PGCKA1: variants seen among roughly 807,000 people sequenced by gnomAD.
The protein encoded by PGCKA1 is PDCD10 and GCKIII kinases associated 1.
chr4:37,469,323 C>T, the PGCKA1 span, among the ~76,000 whole-genome samples: 1 of 152,344 alleles, frequency 6.6e-6, no homozygotes, highest in African/African-American at 2.4e-5. Flanking sequence ...TCTCCTCAGT[C>T]AGCTGTAAGT....
chr4:37,486,313 C>A, the PGCKA1 span, among the ~76,000 whole-genome samples: 6 of 152,258 alleles, frequency 3.9e-5, no homozygotes, highest in South Asian at 1.2e-3. Context: ...ACTAGGCAGC[C>A]TGGTAATTAC....
At chr4:37,586,839 G>A in the PGCKA1 span, among the ~76,000 whole-genome samples, 235 of 152,326 alleles carry the variant, frequency 1.5e-3, 1 homozygote, top group African/African-American at 5.5e-3. Context: ...GAACCAGGGA[G>A]GCAGAGGTTG....
the PGCKA1 span, among the ~76,000 whole-genome samples, chr4:37,468,448 C>T: frequency 4.6e-5 from 7 of 152,182 alleles, no homozygotes; most frequent in African/African-American, 1.7e-4. Context: ...GGAGTTGCCC[C>T]AGCCTGCAAA....
chr4:37,495,650 G>T, the PGCKA1 span, among the ~76,000 whole-genome samples: 1 of 152,168 alleles, frequency 6.6e-6, no homozygotes, highest in Admixed American at 6.5e-5. Flanking sequence ...ATAAGTGGGA[G>T]TTCAACAGTT....
At chr4:37,470,956 T>A in the PGCKA1 span, among the ~76,000 whole-genome samples, 63,663 of 152,108 alleles carry the variant, frequency 0.42, 14,166 homozygotes, top group Non-Finnish European at 0.5. Flanking sequence ...ACATCTCCCA[T>A]ATACTAGGAA....
At chr4:37,457,487 T>C in the PGCKA1 span, among the ~76,000 whole-genome samples, 2 of 152,250 alleles carry the variant, frequency 1.3e-5, no homozygotes, top group Non-Finnish European at 2.9e-5. Context: ...AATGTGTATT[T>C]GGATGTATTT....
chr4:37,530,032 G>C, the PGCKA1 span, among the ~76,000 whole-genome samples: 1 of 152,064 alleles, frequency 6.6e-6, no homozygotes, highest in African/African-American at 2.4e-5. Flanking sequence ...ATCAAAAAAG[G>C]CCTGGAATCC....
chr4:37,552,605 C>G, the PGCKA1 span, among the ~76,000 whole-genome samples: 1 of 152,182 alleles, frequency 6.6e-6, no homozygotes. Flanking sequence ...CTCAAAAATC[C>G]AAGAAGTCTT....
chr4:37,585,822 A>G, the PGCKA1 span, among the ~76,000 whole-genome samples: 1 of 152,082 alleles, frequency 6.6e-6, no homozygotes, highest in Non-Finnish European at 1.5e-5. Context: ...ATGTGTACAC[A>G]GTTCCATAGC....
the PGCKA1 span, among the ~76,000 whole-genome samples, chr4:37,552,723 G>C: frequency 6.6e-6 from 1 of 152,098 alleles, no homozygotes; most frequent in African/African-American, 2.4e-5. Context: ...TAAACTCTTA[G>C]CAAGTCTTTC....
At chr4:37,560,541 G>T in the PGCKA1 span, among the ~76,000 whole-genome samples, 1 of 152,126 alleles carries the variant, frequency 6.6e-6, no homozygotes, top group Non-Finnish European at 1.5e-5. Context: ...CCTCAGCACT[G>T]CTCAGCTGCC....
the PGCKA1 span, among the ~76,000 whole-genome samples, chr4:37,506,123 G>A: frequency 6.6e-6 from 1 of 152,190 alleles, no homozygotes; most frequent in African/African-American, 2.4e-5. Context: ...TGCAGTAACA[G>A]TTGTAATGTC....
At chr4:37,518,210 T>C in the PGCKA1 span, among the ~76,000 whole-genome samples, 1 of 152,238 alleles carries the variant, frequency 6.6e-6, no homozygotes, top group African/African-American at 2.4e-5. Context: ...ATATTAGTTA[T>C]TGTAAACAGT....
At chr4:37,553,354 G>A in the PGCKA1 span, among the ~76,000 whole-genome samples, 1 of 137,460 alleles carries the variant, frequency 7.3e-6, no homozygotes, top group Non-Finnish European at 1.6e-5. Flanking sequence ...GATCTTTATA[G>A]TTCTTGGAGC....
chr4:37,536,401 G>T, the PGCKA1 span, among the ~76,000 whole-genome samples: 6 of 152,040 alleles, frequency 3.9e-5, no homozygotes, highest in Admixed American at 6.6e-5. Context: ...GACAGTTTCT[G>T]TAGGCCAGGA....
chr4:37,497,746 G>C, the PGCKA1 span, among the ~76,000 whole-genome samples: 10 of 151,966 alleles, frequency 6.6e-5, no homozygotes, highest in East Asian at 1.7e-3. Context: ...TTTTCTTACT[G>C]ATTTGTTTGA....
chr4:37,540,703 T>C, the PGCKA1 span, among the ~76,000 whole-genome samples: 1 of 152,120 alleles, frequency 6.6e-6, no homozygotes, highest in African/African-American at 2.4e-5. Flanking sequence ...CCAAGGAAGA[T>C]GTTGCAAAGC....
chr4:37,488,349 C>T, the PGCKA1 span, among the ~76,000 whole-genome samples: 3 of 152,150 alleles, frequency 2.0e-5, no homozygotes, highest in Non-Finnish European at 4.4e-5. Flanking sequence ...GTAGGCAACT[C>T]GAGCTTGTCA....
chr4:37,455,388 T>C, the PGCKA1 span, among the ~76,000 whole-genome samples: 1 of 152,200 alleles, frequency 6.6e-6, no homozygotes. Context: ...TGTATTTCCC[T>C]AAAGTGTGAA....
Sources: gnomAD v4.1 joint callset for allele counts (sites outside exome capture counted in the v4.1 genomes callset) on GRCh38, gnomAD v4.1.1 for gene constraint, MANE v1.5 for transcripts, NCBI Gene and HGNC (gene_info 2026-07-23, HGNC 2026-07-21) for gene names.